NCOA1: variants seen among roughly 807,000 people sequenced by gnomAD.
NCOA1 encodes the protein nuclear receptor coactivator 1.
NCOA1 carries 35 observed loss-of-function variants against 150.9 expected under a neutral mutation model. The observed-to-expected ratio is 0.23, with a 90% CI of 0.18 to 0.31. The LOEUF (loss-of-function observed/expected upper bound fraction) is 0.31. Among genes scored for constraint, NCOA1 ranks in the 10% least tolerant of loss-of-function variants. NCOA1 has a pLI of 1.00. For synonymous variants in NCOA1, 590 were observed against 630.0 expected, an observed-to-expected ratio of 0.94 and a Z score of 0.95; for missense variants, 1,491 against 1,749.3, an observed-to-expected ratio of 0.85 and a Z score of 2.63.
chr2:24,579,431 T>C (rs899838534), intron 2 of NCOA1, among the ~76,000 whole-genome samples: 2 of 152,154 alleles, frequency 1.3e-5, no homozygotes, highest in Admixed American at 6.5e-5. Flanking sequence ...GAGTTTGATA[T>C]TGAAAGAGCT....
At position 24,648,567 on chromosome 2, in the gene NCOA1, A is replaced by G. The variant is rs543093743; in HGVS notation, c.-18+4445A>G. On this transcript the variant is annotated intron_variant, in intron 4 of 22. Coordinates refer to ENST00000348332, the MANE Select transcript of NCOA1 (RefSeq NM_003743.5). ...ATTACAGGCGTGAGCAACTGCACCC[A>G]GCCCTCATATTGTGATTTTATCTGT... Among the ~76,000 whole-genome samples, 144 of 152,190 alleles carry G rather than the reference A, an allele frequency of 9.5e-4. 2 individuals are homozygous for G. The highest frequency in any genetic ancestry group is 3.3e-3 in the African/African-American group (139 of 41,538).
intron 1 of NCOA1, among the ~76,000 whole-genome samples, chr2:24,562,737 G>A (rs1158730482): frequency 1.3e-5 from 2 of 152,212 alleles, no homozygotes; most frequent in Non-Finnish European, 2.9e-5. Flanking sequence ...TGAGGGTGGT[G>A]AAGCTGAAGC....
In NCOA1 at chr2:24,682,947, G is replaced by T. The variant is rs1572586425; in HGVS notation, c.355-4G>T. 1.3e-6 allele frequency: 2 copies of T among 1,575,116 alleles called. No individual in the cohort carries two copies. Among genetic ancestry groups the T allele is most frequent in the Admixed American group, 2.1e-5 (1 of 48,542 alleles). On this transcript the variant is annotated splice_polypyrimidine_tract_variant and splice_region_variant and intron_variant, in intron 7 of 22. Transcript: ENST00000348332. Reference sequence around the variant, plus strand: ...CAAACCATTTTTTTCTTTTGGTTTTGCAGGCTTTGGATGGATTTTTCTTTG... The same window carrying T: ...CAAACCATTTTTTTCTTTTGGTTTTTCAGGCTTTGGATGGATTTTTCTTTG...
chr2:24,616,735 C>G (rs1216439364), intron 3 of NCOA1, among the ~76,000 whole-genome samples: 1 of 152,110 alleles, frequency 6.6e-6, no homozygotes, highest in Non-Finnish European at 1.5e-5. Flanking sequence ...TAGTCCTGCT[C>G]AGGACATGAG....
chr2:24,717,692 T>C (rs183402076), intron 14 of NCOA1, among the ~76,000 whole-genome samples: 17 of 152,298 alleles, frequency 1.1e-4, no homozygotes, highest in Non-Finnish European at 2.5e-4. Context: ...ATCCACAGAA[T>C]GTACAACACA....
At chr2:24,740,222 A>G (rs559339154) in intron 18 of NCOA1, among the ~76,000 whole-genome samples, 94 of 152,322 alleles carry the variant, frequency 6.2e-4, no homozygotes, top group African/African-American at 1.5e-3. Flanking sequence ...AGGAGCAAAT[A>G]AAGCCAGCAC....
At chr2:24,496,560 A>G (rs1663223459) in intron 1 of NCOA1, among the ~76,000 whole-genome samples, 1 of 152,192 alleles carries the variant, frequency 6.6e-6, no homozygotes, top group African/African-American at 2.4e-5. Flanking sequence ...TCTGTTCTGT[A>G]TAATAAACTT....
At chr2:24,582,144 A>G (rs1667217513) in intron 2 of NCOA1, among the ~76,000 whole-genome samples, 1 of 152,224 alleles carries the variant, frequency 6.6e-6, no homozygotes, top group South Asian at 2.1e-4. Flanking sequence ...AGGCATCTAC[A>G]TTGGAAAAGA....
intron 21 of NCOA1, 152 bp from the exon 22 acceptor site, chr2:24,762,535 C>A: frequency 1.5e-6 from 1 of 664,682 alleles, no homozygotes; most frequent in South Asian, 1.7e-5. Flanking sequence ...GAATGACTAT[C>A]CTGACTTGTA....
At chr2:24,654,439 AT>A (rs1361351383) in intron 4 of NCOA1, among the ~76,000 whole-genome samples, 1 of 152,184 alleles carries the variant, frequency 6.6e-6, no homozygotes, top group South Asian at 2.1e-4. Flanking sequence ...AAAGTATATC[AT>A]TTTTTATACA....
intron 1 of NCOA1, among the ~76,000 whole-genome samples, chr2:24,511,118 C>G (rs1663919065): frequency 6.6e-6 from 1 of 152,160 alleles, no homozygotes. Context: ...TTTTGTCTGA[C>G]TTCTTTCACT....
intron 10 of NCOA1, among the ~76,000 whole-genome samples, chr2:24,697,130 T>G (rs1672942936): frequency 6.6e-6 from 1 of 152,198 alleles, no homozygotes; most frequent in Admixed American, 6.5e-5. Flanking sequence ...ATGTTCTCAC[T>G]TACTGTTTTT....
intron 9 of NCOA1, 34 bp from the exon 10 acceptor site, chr2:24,693,218 C>T: frequency 6.3e-7 from 1 of 1,584,226 alleles, no homozygotes; most frequent in Non-Finnish European, 8.7e-7. Context: ...TTTCTACTCT[C>T]TATCCTTCAA....
chr2:24,720,984 C>T (rs1674333466), intron 14 of NCOA1, among the ~76,000 whole-genome samples: 1 of 152,212 alleles, frequency 6.6e-6, no homozygotes, highest in Non-Finnish European at 1.5e-5. Flanking sequence ...TCCTCCTTCA[C>T]CACCTGAGAT....
In NCOA1 at chr2:24,658,785, G is replaced by A. The variant is rs1220239926; in HGVS notation, c.89+19G>A. ...CATCAAGGTAGGAACACTCCTCTTA[G>A]TCTATTTTTGGCAGAGCTGCTTTAT... On this transcript the variant is annotated intron_variant, in intron 5 of 22. Transcript: ENST00000348332. 6.2e-7 allele frequency: 1 copy of A among 1,611,100 alleles called. No individual in the cohort carries two copies. Among genetic ancestry groups the A allele is most frequent in the East Asian group, 2.2e-5 (1 of 44,856 alleles).
chr2:24,553,559 T>G (rs1315419173), intron 1 of NCOA1, among the ~76,000 whole-genome samples: 1 of 152,184 alleles, frequency 6.6e-6, no homozygotes, highest in Non-Finnish European at 1.5e-5. Context: ...TGATCATTTA[T>G]TTTTCAGTCT....
chr2:24,549,254 C>G (rs1572406868), intron 1 of NCOA1, among the ~76,000 whole-genome samples: 2 of 152,202 alleles, frequency 1.3e-5, no homozygotes, highest in East Asian at 3.9e-4. Context: ...TGAGTTGTAC[C>G]TTGGCCCCTT....
intron 1 of NCOA1, among the ~76,000 whole-genome samples, chr2:24,521,948 A>G (rs1329791732): frequency 6.6e-6 from 1 of 152,052 alleles, no homozygotes; most frequent in African/African-American, 2.4e-5. Context: ...CATCCTGTCT[A>G]GTATCCTCAT....
chr2:24,701,370 C>A (rs910837677), intron 11 of NCOA1, among the ~76,000 whole-genome samples: 2 of 151,758 alleles, frequency 1.3e-5, no homozygotes, highest in African/African-American at 2.4e-5. Context: ...ATTAGCTAGG[C>A]GTGGCACACA....
Sources: gnomAD v4.1 joint callset for allele counts (sites outside exome capture counted in the v4.1 genomes callset) on GRCh38, gnomAD v4.1.1 for gene constraint, MANE v1.5 for transcripts, NCBI Gene and HGNC (gene_info 2026-07-23, HGNC 2026-07-21) for gene names.